AKAP13: variants seen among roughly 807,000 people sequenced by gnomAD.
AKAP13 encodes the protein A-kinase anchoring protein 13.
Under a neutral mutation model 264.5 loss-of-function variants are expected in AKAP13, and 80 were observed. The ratio of observed to expected loss-of-function variants is 0.30; its 90% CI spans 0.25 to 0.36. AKAP13 has a LOEUF of 0.36. Among genes scored for constraint, AKAP13 ranks in the 10% least tolerant of loss-of-function variants. The pLI is 1.00. For missense variants in AKAP13, 3,712 were observed against 3,435.2 expected, an observed-to-expected ratio of 1.08 and a Z score of -2.01; for synonymous variants, 1,380 against 1,250.2, an observed-to-expected ratio of 1.10 and a Z score of -2.19.
intron 1 of AKAP13, among the ~76,000 whole-genome samples, chr15:85,457,026 A>G (rs937596069): frequency 2.0e-5 from 3 of 152,166 alleles, no homozygotes; most frequent in African/African-American, 7.2e-5. Flanking sequence ...TTTCTTGTAT[A>G]CTTCCCCACA....
At chr15:85,613,713 T>TATATATATATGTATGTATATA (rs1254657975) in intron 8 of AKAP13, among the ~76,000 whole-genome samples, 1 of 111,022 alleles carries the variant, frequency 9.0e-6, no homozygotes, top group Non-Finnish European at 1.9e-5. Flanking sequence ...TATATATATA[T>TATATATATATGTATGTATATA]TAGGAGTGCT....
At chr15:85,386,380 G>A (rs1432133203) in intron 1 of AKAP13, among the ~76,000 whole-genome samples, 2 of 150,894 alleles carry the variant, frequency 1.3e-5, no homozygotes, top group Non-Finnish European at 3.0e-5. Flanking sequence ...TGGAATCTCC[G>A]CCTCCCGGGT....
chr15:85,452,556 GT>G (rs2074130204), intron 1 of AKAP13, among the ~76,000 whole-genome samples: 1 of 152,136 alleles, frequency 6.6e-6, no homozygotes, highest in African/African-American at 2.4e-5. Flanking sequence ...TTTACTGCAT[GT>G]TTTCACTGAG....
intron 8 of AKAP13, among the ~76,000 whole-genome samples, chr15:85,592,963 T>G (rs534466501): frequency 6.6e-6 from 1 of 152,320 alleles, no homozygotes; most frequent in East Asian, 1.9e-4. Flanking sequence ...TTTTCTCCTT[T>G]GTGTAATGGT....
intron 3 of AKAP13, among the ~76,000 whole-genome samples, chr15:85,525,833 A>G (rs1443794685): frequency 6.6e-6 from 1 of 152,132 alleles, no homozygotes; most frequent in Non-Finnish European, 1.5e-5. Flanking sequence ...GTACTGTTTT[A>G]TTGTGTTCAT....
intron 5 of AKAP13, among the ~76,000 whole-genome samples, chr15:85,545,045 A>G (rs79528487): frequency 3.7e-4 from 56 of 152,312 alleles, no homozygotes; most frequent in African/African-American, 1.3e-3. Flanking sequence ...CGCTAGACAG[A>G]CAGTTCTTTG....
intron 1 of AKAP13, among the ~76,000 whole-genome samples, chr15:85,439,112 A>G (rs1343103092): frequency 6.6e-6 from 1 of 152,076 alleles, no homozygotes. Flanking sequence ...GAACTCAAAC[A>G]AATTTACAAG....
At chr15:85,665,374 C>G (rs1164537438) in intron 13 of AKAP13, among the ~76,000 whole-genome samples, 1 of 152,158 alleles carries the variant, frequency 6.6e-6, no homozygotes, top group African/African-American at 2.4e-5. Flanking sequence ...TTGAAATACG[C>G]TACATATCGT....
chr15:85,594,697 C>T (rs1323319374), intron 8 of AKAP13, among the ~76,000 whole-genome samples: 1 of 152,088 alleles, frequency 6.6e-6, no homozygotes, highest in East Asian at 1.9e-4. Flanking sequence ...AGAAAGTTTC[C>T]ATAGTAGAAA....
At chr15:85,620,715 G>A (rs1259490197) in intron 8 of AKAP13, among the ~76,000 whole-genome samples, 1 of 152,192 alleles carries the variant, frequency 6.6e-6, no homozygotes, top group Non-Finnish European at 1.5e-5. Context: ...TGGCAGAGCT[G>A]ACCTTTTGGC....
At chr15:85,699,040 G>T (rs1335433750) in intron 17 of AKAP13, among the ~76,000 whole-genome samples, 1 of 151,498 alleles carries the variant, frequency 6.6e-6, no homozygotes, top group African/African-American at 2.4e-5. Flanking sequence ...GGAGAGATTT[G>T]CAGGTGCAGA....
rs571185139 is a variant in AKAP13, at chr15:85,599,435, T to TAGCC, written c.4161+13614_4161+13617dup. On this transcript the variant is annotated intron_variant, in intron 8 of 36. Coordinates refer to ENST00000394518, the MANE Select transcript of AKAP13 (RefSeq NM_007200.5). ...CGTCATAGCCCCACAGGTTTCTTTG[T>TAGCC]AGCCACTGGAGGGTCTTAAGTGATT... is the stretch of plus-strand genomic sequence containing the variant. Among the ~76,000 whole-genome samples, 249 of 152,328 alleles carry TAGCC rather than the reference T, an allele frequency of 1.6e-3. 2 individuals carry two copies. Among genetic ancestry groups the TAGCC allele is most frequent in the African/African-American group, 5.6e-3 (232 of 41,582 alleles).
chr15:85,451,343 T>C (rs1567063843), intron 1 of AKAP13, among the ~76,000 whole-genome samples: 1 of 152,200 alleles, frequency 6.6e-6, no homozygotes, highest in Non-Finnish European at 1.5e-5. Context: ...TTTGTGCCTT[T>C]TAAGTGGGGG....
intron 23 of AKAP13, among the ~76,000 whole-genome samples, chr15:85,721,118 T>A (rs1331378716): frequency 6.6e-6 from 1 of 152,240 alleles, no homozygotes. Context: ...TGTATTACCA[T>A]TTGTACCTCC....
chr15:85,705,424 T>A (rs942165851), intron 17 of AKAP13, among the ~76,000 whole-genome samples: 1 of 152,164 alleles, frequency 6.6e-6, no homozygotes, highest in Non-Finnish European at 1.5e-5. Flanking sequence ...CTTAGGTGCC[T>A]AAAATATTAT....
At chr15:85,645,706 A>T in intron 9 of AKAP13, 112 bp from the exon 10 acceptor site, 5 of 1,122,476 alleles carry the variant, frequency 4.5e-6, no homozygotes, top group Non-Finnish European at 4.9e-6. Flanking sequence ...GAAAAGAGTG[A>T]GAGAGAGATT....
intron 5 of AKAP13, among the ~76,000 whole-genome samples, chr15:85,566,985 A>G (rs1176654822): frequency 6.6e-6 from 1 of 152,204 alleles, no homozygotes; most frequent in Non-Finnish European, 1.5e-5. Flanking sequence ...GCAAGTAATC[A>G]TAGTATATTA....
chr15:85,548,150 G>A (rs2077821575), intron 5 of AKAP13, among the ~76,000 whole-genome samples: 2 of 152,208 alleles, frequency 1.3e-5, no homozygotes, highest in Admixed American at 1.3e-4. Context: ...GTATGAGGGA[G>A]CTTGAGAGTA....
intron 5 of AKAP13, among the ~76,000 whole-genome samples, chr15:85,549,246 T>A (rs1177031776): frequency 6.6e-6 from 1 of 152,224 alleles, no homozygotes; most frequent in Non-Finnish European, 1.5e-5. Context: ...CATGCTGTGA[T>A]GTTGATGCCT....
Sources: gnomAD v4.1 joint callset for allele counts (sites outside exome capture counted in the v4.1 genomes callset) on GRCh38, gnomAD v4.1.1 for gene constraint, MANE v1.5 for transcripts, NCBI Gene and HGNC (gene_info 2026-07-23, HGNC 2026-07-21) for gene names.